Variants in DNAAF5 observed in about 807,000 individuals in gnomAD.
The protein encoded by DNAAF5 is HEAT repeat containing 2.
A neutral mutation model predicts 75.8 loss-of-function variants in DNAAF5; 64 were observed. The observed-to-expected ratio is 0.84, with a 90% confidence interval of 0.69 to 1.04. The LOEUF (loss-of-function observed/expected upper bound fraction) is 1.04. Ranked by LOEUF, DNAAF5 falls within the 50% of genes least tolerant of loss-of-function variation. The pLI, the probability that DNAAF5 is intolerant of heterozygous loss-of-function variation, is 0.00. For synonymous variants in DNAAF5, 657 were observed against 557.2 expected, an observed-to-expected ratio of 1.18 and a Z score of -2.52; for missense variants, 1,269 against 1,178.5, an observed-to-expected ratio of 1.08 and a Z score of -1.12.
chr7:779,944 TC>T lies in DNAAF5; in HGVS notation c.2240-7del. On this transcript the variant is annotated splice_region_variant and splice_polypyrimidine_tract_variant and intron_variant, in intron 11 of 12. Coordinates refer to ENST00000297440, the MANE Select transcript of DNAAF5 (RefSeq NM_017802.4). ...AGACTCACACACCTGTCTCGCTCCC[TC>T]CTTCCAGAACTCTTAAAACGCCTAG... The T allele has an allele frequency of 6.2e-7, 1 of 1,613,238 alleles. No homozygotes were observed. Among genetic ancestry groups the T allele is most frequent in the Non-Finnish European group, 8.5e-7 (1 of 1,179,400 alleles).
At chr7:768,060 C>G (rs867926574) in intron 8 of DNAAF5, among the ~76,000 whole-genome samples, 1 of 143,992 alleles carries the variant, frequency 6.9e-6, no homozygotes, top group Non-Finnish European at 1.5e-5. Context: ...ACACGTGGTC[C>G]GGGCGGAAGT....
Position 775,017 on chromosome 7 carries a change from G to T in DNAAF5, c.2094G>T (p.Val698=). The T allele has an allele frequency of 6.2e-7, 1 of 1,613,920 alleles. No individual in the cohort carries two copies. Among genetic ancestry groups the T allele is most frequent in the South Asian group, 1.1e-5 (1 of 91,066 alleles). The change falls in exon 11 of 13, where the codon GTG becomes GTT. Residue 698 remains valine (V), a synonymous_variant. Transcript: ENST00000297440. ...EVLSAEQIRD[V]QETLMPQVLT... The stretch of plus-strand genomic sequence containing the variant: ...TTTGCTGATTGCAGATACGGGACGT[G>T]CAGGAAACACTGATGCCCCAGGTCC...
At chr7:768,888 GA>G (rs1778452658) in intron 8 of DNAAF5, 1 of 505,118 alleles carries the variant, frequency 2.0e-6, no homozygotes. Context: ...GAAACAGTCA[GA>G]AACTGGGTCA....
chr7:741,746 G>A (rs1191016751), intron 4 of DNAAF5, among the ~76,000 whole-genome samples: 3 of 152,182 alleles, frequency 2.0e-5, no homozygotes, highest in African/African-American at 4.8e-5. Context: ...AGTGTCCAGC[G>A]CACTGCCAGA....
intron 8 of DNAAF5, chr7:769,230 C>T (rs968474611): frequency 4.0e-6 from 3 of 758,854 alleles, no homozygotes; most frequent in East Asian, 2.5e-5. Flanking sequence ...CTTGGATAAG[C>T]CAGTGGACGC....
chr7:785,803 G>C lies in DNAAF5; in HGVS notation c.*150G>C. Reference sequence around the variant, plus strand: ...CAGGACACCTGCCCACTCTTTCCCTGGAATAACAGCCTCTGAGTGGATTCT... The same window carrying C: ...CAGGACACCTGCCCACTCTTTCCCTCGAATAACAGCCTCTGAGTGGATTCT... On this transcript the variant is annotated 3_prime_UTR_variant, in exon 13 of 13. Coordinates refer to ENST00000297440, the MANE Select transcript of DNAAF5 (RefSeq NM_017802.4). 1.3e-6 allele frequency: 1 copy of C among 796,020 alleles called. No homozygotes were observed. Among genetic ancestry groups the C allele is most frequent in the Non-Finnish European group, 1.9e-6 (1 of 519,944 alleles). 49.3% of individuals were successfully genotyped at this position (796,020 alleles called of 1,614,324 possible). A position where few individuals can be genotyped will look rare whatever the true frequency, so the allele number is the denominator to read the frequency against.
At chr7:774,860 A>G (rs1216159042) in intron 10 of DNAAF5, 146 bp from the exon 11 acceptor site, 2 of 717,062 alleles carry the variant, frequency 2.8e-6, no homozygotes, top group Non-Finnish European at 4.8e-6. Flanking sequence ...CAAAATCTAA[A>G]TTTTACAATG....
chr7:757,166 A>G (rs1434173532), intron 6 of DNAAF5, among the ~76,000 whole-genome samples, 172 bp downstream of exon 6: 1 of 152,232 alleles, frequency 6.6e-6, no homozygotes, highest in African/African-American at 2.4e-5. Context: ...GGCCATCGGA[A>G]ACACCTGCAG....
intron 8 of DNAAF5, among the ~76,000 whole-genome samples, chr7:766,744 A>C (rs546345760): frequency 6.6e-6 from 1 of 152,308 alleles, no homozygotes; most frequent in South Asian, 2.1e-4. Flanking sequence ...TCAGAAATTG[A>C]GGCTTCAGGG....
At chr7:727,425 C>T (rs1336632159) in intron 1 of DNAAF5, 110 bp downstream of exon 1, 2 of 472,092 alleles carry the variant, frequency 4.2e-6, no homozygotes, top group Non-Finnish European at 6.2e-6. Context: ...CCCCTCCACG[C>T]CCGCACCCCC....
chr7:741,240 C>T lies in DNAAF5; in HGVS notation c.906-107C>T, dbSNP rs558360273. 143 of 831,298 alleles carry T rather than the reference C, an allele frequency of 1.7e-4. No individual in the cohort carries two copies. In the African/African-American group the frequency reaches 1.9e-3, roughly 11 times the overall value. 51.5% of individuals were successfully genotyped at this position (831,298 alleles called of 1,614,324 possible). On this transcript the variant is annotated intron_variant, in intron 3 of 12. Coordinates refer to ENST00000297440, the MANE Select transcript of DNAAF5 (RefSeq NM_017802.4). Reference sequence around the variant, plus strand: ...CCTTTTCTGGGGTTGGGGAGCTTCCCGCTCTCACGCAATGGGGTCTTTGGG... The same window carrying T: ...CCTTTTCTGGGGTTGGGGAGCTTCCTGCTCTCACGCAATGGGGTCTTTGGG...
Position 782,410 on chromosome 7 carries a change from C to A in DNAAF5, c.2431+2266C>A, listed in dbSNP as rs117580340. Among the ~76,000 whole-genome samples the A allele has an allele frequency of 1.2e-3, 175 of 147,236 alleles. 10 individuals carry two copies. The East Asian group carries it at 0.035, about 29-fold the overall frequency. On this transcript the variant is annotated intron_variant, in intron 12 of 12. Transcript: ENST00000297440. ...TCGCATCTTCCCGGCGTGGCCGCCTCCCCTCACGCGGCGTCAGAAACTCGC... is the reference window on the plus strand; with the variant it reads ...TCGCATCTTCCCGGCGTGGCCGCCTACCCTCACGCGGCGTCAGAAACTCGC...
At chr7:763,780 C>G in intron 7 of DNAAF5, 26 bp from the exon 8 acceptor site, 1 of 1,611,086 alleles carries the variant, frequency 6.2e-7, no homozygotes, top group Non-Finnish European at 8.5e-7. Context: ...TTGGAATTGT[C>G]TCAGTCTCTG....
At chr7:747,190 CCA>C (rs1782143569) in intron 4 of DNAAF5, among the ~76,000 whole-genome samples, 1 of 152,242 alleles carries the variant, frequency 6.6e-6, no homozygotes, top group Non-Finnish European at 1.5e-5. Context: ...TAGAAACTCA[CCA>C]CACACTGTTT....
Position 745,742 on chromosome 7 carries a change from G to A in DNAAF5, c.1024+4277G>A, listed in dbSNP as rs1782079564. Among the ~76,000 whole-genome samples, 3 of 152,350 alleles carry A rather than the reference G, an allele frequency of 2.0e-5. No individual in the cohort carries two copies. The South Asian group carries it at 6.2e-4, about 32-fold the overall frequency. On this transcript the variant is annotated intron_variant, in intron 4 of 12. Transcript: ENST00000297440. ...CACGTACGTGTGTGTGCACATACAT[G>A]TACACATGTACATACACATCCTGCC... is the stretch of plus-strand genomic sequence containing the variant.
At chr7:728,492 C>T (rs1260401537) in intron 1 of DNAAF5, among the ~76,000 whole-genome samples, 2 of 152,192 alleles carry the variant, frequency 1.3e-5, no homozygotes, top group African/African-American at 2.4e-5. Context: ...GGGGAAATGC[C>T]GAGATTTCCA....
chr7:763,151 A>T (rs529530684), intron 7 of DNAAF5, among the ~76,000 whole-genome samples: 1 of 152,108 alleles, frequency 6.6e-6, no homozygotes, highest in African/African-American at 2.4e-5. Context: ...GCCTCTAAAA[A>T]CAAGCTTCCC....
chr7:768,382 C>A (rs539233481), intron 8 of DNAAF5: 1 of 147,890 alleles, frequency 6.8e-6, no homozygotes, highest in Non-Finnish European at 1.5e-5. Flanking sequence ...TGAGCCGCAG[C>A]TCACACTGGG....
chr7:754,638 C>T lies in DNAAF5; in HGVS notation c.1074C>T (p.Ser358=). The change falls in exon 5 of 13, where the codon TCC becomes TCT. Residue 358 remains serine (S), a synonymous_variant. Transcript: ENST00000297440. This position sits in a 1 kb window ranked among gnomAD's most constrained non-coding sequence, Gnocchi z 4.8. The part of the protein sequence containing the change: ...GCRELVFRNL[S]KILPALCHDI... Reference sequence around the variant, plus strand: ...GGGAGCTCGTCTTCAGGAACCTCTCCAAGATCCTCCCTGCCCTGTGCCACG... The same window carrying T: ...GGGAGCTCGTCTTCAGGAACCTCTCTAAGATCCTCCCTGCCCTGTGCCACG... The T allele has an allele frequency of 6.2e-7, 1 of 1,614,178 alleles. No individual in the cohort carries two copies. The highest frequency in any genetic ancestry group is 1.6e-4 in the Middle Eastern group (1 of 6,062).
Sources: allele counts gnomAD v4.1 joint callset (sites outside exome capture counted in the v4.1 genomes callset), GRCh38; gene constraint gnomAD v4.1.1; non-coding constraint Gnocchi (gnomAD v3.1); transcripts MANE v1.5; gene names NCBI Gene and HGNC (gene_info 2026-07-23, HGNC 2026-07-21).